NBAS: variants seen among roughly 807,000 people sequenced by gnomAD.
NBAS encodes NAG/BC035112 fusion.
In NBAS, 219 loss-of-function variants were observed where a neutral mutation model predicts 302.5. The observed-to-expected ratio is 0.72, with a 90% CI of 0.65 to 0.81. The LOEUF is 0.81. NBAS is among the 30% of genes least tolerant of loss of function. The probability of loss-of-function intolerance (pLI) is 0.00; values close to 1 mark genes in which losing one functional copy is unlikely to be tolerated. For missense variants in NBAS, 2,932 were observed against 2,841.6 expected, an observed-to-expected ratio of 1.03 and a Z score of -0.72; for synonymous variants, 1,118 against 1,021.6, an observed-to-expected ratio of 1.09 and a Z score of -1.80.
In NBAS at chr2:15,471,004, GC is replaced by G. The variant is rs1431994033; in HGVS notation, c.1725+2217del. On this transcript the variant is annotated intron_variant, in intron 16 of 51. Transcript: ENST00000281513. Reference sequence around the variant, plus strand: ...AATCATAAGCTCCCTATGAGCAAAAGCCACATTTATGCCTGTCCTGTACCCC... The same window carrying G: ...AATCATAAGCTCCCTATGAGCAAAAGCACATTTATGCCTGTCCTGTACCCC... Among the ~76,000 whole-genome samples, 4 of 152,024 alleles carry G rather than the reference GC, an allele frequency of 2.6e-5. No individual in the cohort carries two copies. The East Asian group carries it at 7.7e-4, about 29-fold the overall frequency.
chr2:15,351,741 T>C (rs568211252), intron 35 of NBAS, among the ~76,000 whole-genome samples: 2 of 152,194 alleles, frequency 1.3e-5, no homozygotes, highest in South Asian at 4.2e-4. Flanking sequence ...TACTGCTTCT[T>C]TACCTGTAGT....
chr2:15,214,812 G>GT (rs879701386), intron 48 of NBAS, among the ~76,000 whole-genome samples: 4 of 152,128 alleles, frequency 2.6e-5, no homozygotes, highest in Admixed American at 6.5e-5. Context: ...GAAAAGAAGG[G>GT]TTAATATGTC....
the NBAS span, among the ~76,000 whole-genome samples, chr2:14,954,074 C>T: frequency 5.3e-5 from 8 of 152,094 alleles, no homozygotes; most frequent in South Asian, 2.1e-4. Flanking sequence ...AGTGGTCTGA[C>T]GAATGTAAAA....
At chr2:14,900,886 G>A in the NBAS span, among the ~76,000 whole-genome samples, 1 of 152,190 alleles carries the variant, frequency 6.6e-6, no homozygotes, top group East Asian at 1.9e-4. Flanking sequence ...GAAATAAAAG[G>A]AAATCATTCC....
At chr2:15,485,209 T>C (rs989635820) in intron 12 of NBAS, among the ~76,000 whole-genome samples, 1 of 151,524 alleles carries the variant, frequency 6.6e-6, no homozygotes, top group Non-Finnish European at 1.5e-5. Flanking sequence ...GCTGAAGGAA[T>C]CTGTATCACA....
the NBAS span, among the ~76,000 whole-genome samples, chr2:14,849,509 G>A: frequency 6.6e-5 from 10 of 151,844 alleles, no homozygotes; most frequent in Non-Finnish European, 1.3e-4. Context: ...ACACTCTGCA[G>A]GATATTATCC....
intron 38 of NBAS, among the ~76,000 whole-genome samples, chr2:15,318,617 A>C (rs1671634252): frequency 6.6e-6 from 1 of 152,192 alleles, no homozygotes; most frequent in Non-Finnish European, 1.5e-5. Context: ...CTGATAAAAT[A>C]GACTTTAAAC....
At chr2:15,238,836 G>A in intron 44 of NBAS, 150 bp from the exon 45 acceptor site, 2 of 660,620 alleles carry the variant, frequency 3.0e-6, no homozygotes, top group South Asian at 2.6e-5. Flanking sequence ...TTTCTTCTGT[G>A]AAGAAAACAA....
At chr2:15,483,465 C>A in intron 12 of NBAS, 2 of 253,006 alleles carry the variant, frequency 7.9e-6, no homozygotes, top group Non-Finnish European at 1.7e-5. Context: ...AATAATAAAA[C>A]TTGAGAGAAA....
intron 48 of NBAS, among the ~76,000 whole-genome samples, chr2:15,216,423 A>G (rs1666657545): frequency 6.6e-6 from 1 of 152,192 alleles, no homozygotes; most frequent in Non-Finnish European, 1.5e-5. Context: ...TATTGGTGAA[A>G]CGCAGATACA....
At chr2:15,176,958 T>G (rs947523960) in intron 51 of NBAS, among the ~76,000 whole-genome samples, 26 of 152,232 alleles carry the variant, frequency 1.7e-4, no homozygotes, top group African/African-American at 6.0e-4. Context: ...CTCTGGGGAC[T>G]GCAAAAGGTC....
At chr2:15,120,956 T>C in the NBAS span, among the ~76,000 whole-genome samples, 1 of 152,246 alleles carries the variant, frequency 6.6e-6, no homozygotes, top group African/African-American at 2.4e-5. Context: ...TTTGTCACTC[T>C]CTGATGACCT....
rs1172376871 is a variant in NBAS at position 15,467,794 on chromosome 2, G to A, written c.1888C>T (p.Pro630Ser). The A allele has an allele frequency of 6.3e-7, 1 of 1,589,426 alleles. No individual in the cohort carries two copies. The highest frequency in any genetic ancestry group is 8.6e-7 in the Non-Finnish European group (1 of 1,158,538). ...ATACTGTCAATGTCTATTTCACCAG[G>A]TAATGTAAATCTGCAAGTATAAAAG... ...KGADDGRFTLPGEIDIDSISY... is the reference protein window; with the variant it reads ...KGADDGRFTLSGEIDIDSISY... The change falls in exon 18 of 52, where the codon CCT (proline) becomes TCT (serine). Residue 630 changes from proline (P) to serine (S), a missense_variant. Coordinates refer to ENST00000281513, the MANE Select transcript of NBAS (RefSeq NM_015909.4).
chr2:15,180,201 G>C (rs1012558790), intron 50 of NBAS: 21 of 152,186 alleles, frequency 1.4e-4, no homozygotes, highest in African/African-American at 5.1e-4. Context: ...TTTAAACTCA[G>C]GATAAAGTTC....
intron 25 of NBAS, among the ~76,000 whole-genome samples, chr2:15,407,261 G>A (rs981070903): frequency 2.0e-5 from 3 of 152,098 alleles, no homozygotes; most frequent in Non-Finnish European, 2.9e-5. Context: ...CACTTCCTGA[G>A]GACCATAGAC....
chr2:15,425,870 T>C (rs1447694058), intron 22 of NBAS, among the ~76,000 whole-genome samples: 4 of 152,178 alleles, frequency 2.6e-5, no homozygotes, highest in African/African-American at 4.8e-5. Flanking sequence ...CTTCTGGAAA[T>C]GCCCTTTGCC....
At chr2:14,862,089 CGTT>C in the NBAS span, among the ~76,000 whole-genome samples, 2 of 151,988 alleles carry the variant, frequency 1.3e-5, no homozygotes, top group South Asian at 2.1e-4. Context: ...AGATCATTGA[CGTT>C]GTTTTCAACC....
At chr2:15,342,745 T>C (rs189835976) in intron 35 of NBAS, among the ~76,000 whole-genome samples, 43 of 152,200 alleles carry the variant, frequency 2.8e-4, no homozygotes, top group African/African-American at 1.0e-3. Context: ...GTTATACATA[T>C]ATCCATGTAT....
chr2:14,901,443 A>T, the NBAS span, among the ~76,000 whole-genome samples: 1 of 150,568 alleles, frequency 6.6e-6, no homozygotes, highest in Non-Finnish European at 1.5e-5. Flanking sequence ...GTAATTTTAA[A>T]AAAAAAAATC....
Sources: gnomAD v4.1 joint callset for allele counts (sites outside exome capture counted in the v4.1 genomes callset) on GRCh38, gnomAD v4.1.1 for gene constraint, MANE v1.5 for transcripts, NCBI Gene and HGNC (gene_info 2026-07-23, HGNC 2026-07-21) for gene names.